The following CNTNAP2 variants were observed in gnomAD, a reference collection of about 807,000 sequenced individuals.
The protein encoded by CNTNAP2 is contactin associated protein 2, also known as contactin-associated protein-like 2.
In CNTNAP2, 98 loss-of-function variants were observed where a neutral mutation model predicts 155.2. The observed-to-expected ratio is 0.63, with a 90% CI of 0.54 to 0.75. The LOEUF is 0.75. Ranked by LOEUF, CNTNAP2 falls within the 30% of genes least tolerant of loss-of-function variation. The pLI is 0.00. For missense variants in CNTNAP2, 1,727 were observed against 1,688.1 expected (o/e 1.02, Z -0.40); for synonymous variants, 651 against 631.2 (o/e 1.03, Z -0.47).
chr7:146,242,982 T>C (rs1275746623), intron 1 of CNTNAP2, among the ~76,000 whole-genome samples: 1 of 152,168 alleles, frequency 6.6e-6, no homozygotes. Flanking sequence ...AATTTTGTGC[T>C]CTCTCAATTT....
chr7:147,027,609 G>C (rs1203267516), intron 3 of CNTNAP2, among the ~76,000 whole-genome samples: 1 of 152,222 alleles, frequency 6.6e-6, no homozygotes, highest in Non-Finnish European at 1.5e-5. Context: ...GGTTCTCACA[G>C]ACTGAGATTT....
At chr7:147,588,493 C>G (rs1236243943) in intron 12 of CNTNAP2, among the ~76,000 whole-genome samples, 1 of 152,064 alleles carries the variant, frequency 6.6e-6, no homozygotes, top group African/African-American at 2.4e-5. Context: ...GCTATAGTAC[C>G]CTGAATATTT....
At chr7:148,024,173 A>AAAAAACAAAAAC in intron 15 of CNTNAP2, among the ~76,000 whole-genome samples, 1 of 147,888 alleles carries the variant, frequency 6.8e-6, no homozygotes, top group East Asian at 2.3e-4. Flanking sequence ...AAAAAAAAAA[A>AAAAAACAAAAAC]AAAAAACTTT....
chr7:146,131,599 A>T (rs1215588649), intron 1 of CNTNAP2, among the ~76,000 whole-genome samples: 1 of 152,218 alleles, frequency 6.6e-6, no homozygotes, highest in Non-Finnish European at 1.5e-5. Context: ...TGCACCTTCA[A>T]ATAGAATATT....
chr7:147,956,128 T>C (rs1801013230), intron 14 of CNTNAP2, among the ~76,000 whole-genome samples: 2 of 152,212 alleles, frequency 1.3e-5, no homozygotes, highest in Admixed American at 1.3e-4. Context: ...ACTATTTGAA[T>C]ATACTCAATA....
intron 2 of CNTNAP2, among the ~76,000 whole-genome samples, chr7:146,822,342 T>G (rs1454338014): frequency 2.6e-5 from 4 of 151,068 alleles, no homozygotes; most frequent in Non-Finnish European, 4.4e-5. Flanking sequence ...CAGGGGGGAG[T>G]GATAGCATTA....
intron 13 of CNTNAP2, among the ~76,000 whole-genome samples, chr7:147,756,541 T>A (rs1392808396): frequency 1.3e-5 from 2 of 152,148 alleles, no homozygotes; most frequent in African/African-American, 4.8e-5. Context: ...CCAAAGTTAA[T>A]CATGGTCTAA....
intron 21 of CNTNAP2, among the ~76,000 whole-genome samples, chr7:148,353,892 A>G (rs1271607978): frequency 1.3e-5 from 2 of 152,358 alleles, no homozygotes; most frequent in African/African-American, 2.4e-5. Flanking sequence ...TATTCCATTA[A>G]TAAGTTTTTG....
At chr7:146,492,464 T>C (rs1486635140) in intron 1 of CNTNAP2, among the ~76,000 whole-genome samples, 1 of 152,230 alleles carries the variant, frequency 6.6e-6, no homozygotes, top group Non-Finnish European at 1.5e-5. Flanking sequence ...TCTTAGTTCC[T>C]TGGTTCTTCC....
At chr7:147,913,899 G>C (rs1295164894) in intron 14 of CNTNAP2, among the ~76,000 whole-genome samples, 2 of 152,140 alleles carry the variant, frequency 1.3e-5, no homozygotes, top group African/African-American at 2.4e-5. Context: ...AACTGGGTAG[G>C]AATGTATGAC....
intron 3 of CNTNAP2, among the ~76,000 whole-genome samples, chr7:146,943,677 G>A (rs1259885986): frequency 6.6e-6 from 1 of 152,146 alleles, no homozygotes; most frequent in Non-Finnish European, 1.5e-5. Context: ...TTTTACTGGT[G>A]ATGTCATGAC....
chr7:147,124,103 T>G (rs1563084882), intron 6 of CNTNAP2, among the ~76,000 whole-genome samples: 4 of 152,122 alleles, frequency 2.6e-5, no homozygotes, highest in African/African-American at 9.7e-5. Flanking sequence ...GTCTCTAGTT[T>G]TGTTGTACTT....
rs954726182 is a variant in CNTNAP2, at chr7:147,587,635, G to A, written c.1897+25378G>A. On this transcript the variant is annotated intron_variant, in intron 12 of 23. Coordinates refer to ENST00000361727, the MANE Select transcript of CNTNAP2 (RefSeq NM_014141.6). ...AAGGATCATTTATCCAAAAGCAACAGCAAAGATTTATCGATACCTAGTAAA... is the reference window on the plus strand; with the variant it reads ...AAGGATCATTTATCCAAAAGCAACAACAAAGATTTATCGATACCTAGTAAA... Among the ~76,000 whole-genome samples the A allele has an allele frequency of 3.3e-5, 5 of 152,158 alleles. No homozygotes were observed. The East Asian group carries it at 9.6e-4, about 29-fold the overall frequency.
intron 15 of CNTNAP2, among the ~76,000 whole-genome samples, chr7:148,095,227 G>A (rs771362187): frequency 3.9e-5 from 6 of 152,050 alleles, no homozygotes; most frequent in South Asian, 2.1e-4. Flanking sequence ...AAGCAATGTC[G>A]TTCTGCATCA....
chr7:146,452,326 C>T lies in CNTNAP2; in HGVS notation c.98-321945C>T, dbSNP rs1796496275. Among the ~76,000 whole-genome samples the T allele has an allele frequency of 2.0e-5, 3 of 152,094 alleles. No individual in the cohort carries two copies. The South Asian group carries it at 6.2e-4, about 32-fold the overall frequency. On this transcript the variant is annotated intron_variant, in intron 1 of 23. Coordinates refer to ENST00000361727, the MANE Select transcript of CNTNAP2 (RefSeq NM_014141.6). ...AGTTGGGTTTAAAAAGCATGATACT[C>T]ATTATTACCCACTTAGTAATTTCCC...
intron 11 of CNTNAP2, among the ~76,000 whole-genome samples, chr7:147,531,634 C>A (rs973362179): frequency 1.3e-5 from 2 of 152,132 alleles, no homozygotes; most frequent in Non-Finnish European, 2.9e-5. Context: ...CATGAAACCA[C>A]TTTTTCCTCA....
chr7:146,640,384 G>C (rs546818922), intron 1 of CNTNAP2, among the ~76,000 whole-genome samples: 1 of 152,274 alleles, frequency 6.6e-6, no homozygotes, highest in East Asian at 1.9e-4. Flanking sequence ...GTTTGATAAT[G>C]TGCACACTGG....
At chr7:146,165,191 T>C (rs555347279) in intron 1 of CNTNAP2, among the ~76,000 whole-genome samples, 23 of 152,218 alleles carry the variant, frequency 1.5e-4, no homozygotes, top group African/African-American at 5.5e-4. Flanking sequence ...ATTACTAATA[T>C]ATTTTTTTAA....
At chr7:146,446,989 T>A (rs1044030956) in intron 1 of CNTNAP2, among the ~76,000 whole-genome samples, 1 of 152,020 alleles carries the variant, frequency 6.6e-6, no homozygotes, top group South Asian at 2.1e-4. Context: ...TACCTAGCAA[T>A]ATTTTTATTT....
Sources: gnomAD v4.1 joint callset for allele counts (sites outside exome capture counted in the v4.1 genomes callset) on GRCh38, gnomAD v4.1.1 for gene constraint, MANE v1.5 for transcripts, NCBI Gene and HGNC (gene_info 2026-07-23, HGNC 2026-07-21) for gene names.